MDGA2: variants seen among roughly 807,000 people sequenced by gnomAD.
The protein encoded by MDGA2 is MAM domain-containing glycosylphosphatidylinositol anchor protein 2.
Under a neutral mutation model 117.8 loss-of-function variants are expected in MDGA2, and 40 were observed. That is an observed-to-expected ratio of 0.34 (90% confidence interval 0.26 to 0.44). The LOEUF is 0.44. Ranked by LOEUF, MDGA2 falls within the 20% of genes least tolerant of loss-of-function variation. The probability of loss-of-function intolerance (pLI) is 1.00; values close to 1 mark genes in which losing one functional copy is unlikely to be tolerated. For synonymous variants in MDGA2, 452 were observed against 439.0 expected, an observed-to-expected ratio of 1.03 and a Z score of -0.37; for missense variants, 1,123 against 1,250.6, an observed-to-expected ratio of 0.90 and a Z score of 1.54.
intron 1 of MDGA2, among the ~76,000 whole-genome samples, chr14:47,462,049 A>G (rs1893497793): frequency 6.6e-6 from 1 of 152,202 alleles, no homozygotes; most frequent in Non-Finnish European, 1.5e-5. Context: ...TTTGCCATTA[A>G]AAGAAGCTTA....
intron 1 of MDGA2, among the ~76,000 whole-genome samples, chr14:47,355,192 C>T (rs1200247999): frequency 1.3e-5 from 2 of 152,050 alleles, no homozygotes; most frequent in Non-Finnish European, 2.9e-5. Flanking sequence ...AAGTAATGAT[C>T]GCATATCAGT....
At chr14:47,647,806 C>T (rs1324789633) in intron 1 of MDGA2, among the ~76,000 whole-genome samples, 1 of 152,074 alleles carries the variant, frequency 6.6e-6, no homozygotes, top group Non-Finnish European at 1.5e-5. Context: ...CAGCTATATA[C>T]ATTGTAGCAT....
chr14:47,344,698 A>T (rs1189851272), intron 1 of MDGA2, among the ~76,000 whole-genome samples: 1 of 152,050 alleles, frequency 6.6e-6, no homozygotes, highest in East Asian at 1.9e-4. Context: ...TTATTAACCT[A>T]TATAAAAATA....
At chr14:47,488,372 C>G (rs2138648095) in intron 1 of MDGA2, among the ~76,000 whole-genome samples, 1 of 152,162 alleles carries the variant, frequency 6.6e-6, no homozygotes, top group East Asian at 1.9e-4. Flanking sequence ...GTTCATGCAC[C>G]AGATTCAGGG....
rs117726148 is a variant in MDGA2 at position 47,360,829 on chromosome 14, A to G, written c.281-59279T>C. On this transcript the variant is annotated intron_variant, in intron 1 of 16. Coordinates refer to ENST00000399232, the MANE Select transcript of MDGA2 (RefSeq NM_001113498.3). Reference sequence around the variant, plus strand: ...CAGAAATGAAAACAACTTAAGTGTCAGGTGGATGAACCTGAAAGACATGAG... The same window carrying G: ...CAGAAATGAAAACAACTTAAGTGTCGGGTGGATGAACCTGAAAGACATGAG... 2.0e-5 allele frequency among the ~76,000 whole-genome samples: 3 copies of G among 152,120 alleles called. No individual in the cohort carries two copies. In the East Asian group the frequency reaches 5.8e-4, roughly 29 times the overall value.
At chr14:47,649,685 A>AAAAACAAAACAAAAC (rs56177749) in intron 1 of MDGA2, among the ~76,000 whole-genome samples, 81 of 150,388 alleles carry the variant, frequency 5.4e-4, no homozygotes, top group African/African-American at 1.8e-3. Context: ...GCTTCATCTC[A>AAAAACAAAACAAAAC]AAAACAAAAC....
chr14:47,440,130 C>T (rs1178265692), intron 1 of MDGA2, among the ~76,000 whole-genome samples: 1 of 152,036 alleles, frequency 6.6e-6, no homozygotes, highest in Non-Finnish European at 1.5e-5. Flanking sequence ...TTCCCCATCA[C>T]ATGTGTCGGC....
At position 46,905,540 on chromosome 14, in the gene MDGA2, G is replaced by A. The variant is rs188234598; in HGVS notation, c.2238+14472C>T. 1.1e-3 allele frequency among the ~76,000 whole-genome samples: 171 copies of A among 152,214 alleles called. 1 individual carries two copies. The highest frequency in any genetic ancestry group is 3.9e-3 in the African/African-American group (162 of 41,558). ...TGCACATATTGAAATGCATGCAAATGCAAACAGATTGAAAAAGACTATGTA... is the reference window on the plus strand; with the variant it reads ...TGCACATATTGAAATGCATGCAAATACAAACAGATTGAAAAAGACTATGTA... On this transcript the variant is annotated intron_variant, in intron 10 of 16. Transcript: ENST00000399232.
chr14:47,234,843 C>T (rs1038260383), intron 2 of MDGA2, among the ~76,000 whole-genome samples: 1 of 152,028 alleles, frequency 6.6e-6, no homozygotes, highest in Non-Finnish European at 1.5e-5. Context: ...TTTATCCTTC[C>T]CTAATATTCT....
intron 2 of MDGA2, among the ~76,000 whole-genome samples, chr14:47,225,308 TG>T (rs1467660864): frequency 2.0e-5 from 3 of 151,874 alleles, no homozygotes; most frequent in Admixed American, 6.6e-5. Context: ...ATCCCACTAC[TG>T]GGTATATACC....
Position 47,509,750 on chromosome 14 carries a change from C to T in MDGA2, c.280+164767G>A, listed in dbSNP as rs1480006237. On this transcript the variant is annotated intron_variant, in intron 1 of 16. Coordinates refer to ENST00000399232, the MANE Select transcript of MDGA2 (RefSeq NM_001113498.3). Reference sequence around the variant, plus strand: ...CCATTACGTCTTCTTTTCTCTATCCCCCTTTTGGACAGGAAATGTCTATCT... The same window carrying T: ...CCATTACGTCTTCTTTTCTCTATCCTCCTTTTGGACAGGAAATGTCTATCT... Among the ~76,000 whole-genome samples, 5 of 152,154 alleles carry T rather than the reference C, an allele frequency of 3.3e-5. No homozygotes were observed. In the East Asian group the frequency reaches 5.8e-4, roughly 18 times the overall value.
chr14:47,645,862 G>A (rs1897521388), intron 1 of MDGA2, among the ~76,000 whole-genome samples: 2 of 151,844 alleles, frequency 1.3e-5, no homozygotes, highest in South Asian at 2.1e-4. Flanking sequence ...CACGAGGTCA[G>A]AAGATCGAGA....
At chr14:47,552,433 C>T (rs552865954) in intron 1 of MDGA2, among the ~76,000 whole-genome samples, 1 of 152,336 alleles carries the variant, frequency 6.6e-6, no homozygotes, top group South Asian at 2.1e-4. Context: ...GCAACTATGT[C>T]CTTTCCATTG....
intron 7 of MDGA2, among the ~76,000 whole-genome samples, chr14:47,041,610 T>C (rs1389628009): frequency 6.7e-6 from 1 of 149,764 alleles, no homozygotes; most frequent in African/African-American, 2.4e-5. Flanking sequence ...AAACATGATA[T>C]GACACCAAAG....
chr14:47,058,928 T>C (rs377583317), intron 7 of MDGA2: 1 of 972,360 alleles, frequency 1.0e-6, no homozygotes, highest in Non-Finnish European at 1.2e-6. Flanking sequence ...AGTGAGTTTA[T>C]TAATTTTTGA....
At chr14:47,532,294 C>T (rs1399889414) in intron 1 of MDGA2, among the ~76,000 whole-genome samples, 1 of 152,170 alleles carries the variant, frequency 6.6e-6, no homozygotes, top group Non-Finnish European at 1.5e-5. Flanking sequence ...ATAAATGTTT[C>T]TCTTTCTTTG....
chr14:47,031,841 G>A (rs1003485121), intron 8 of MDGA2, among the ~76,000 whole-genome samples: 1 of 152,140 alleles, frequency 6.6e-6, no homozygotes, highest in Non-Finnish European at 1.5e-5. Flanking sequence ...TGATGTGCAA[G>A]CTCCCACTTC....
At chr14:46,925,475 T>C (rs2138527290) in intron 9 of MDGA2, among the ~76,000 whole-genome samples, 1 of 151,588 alleles carries the variant, frequency 6.6e-6, no homozygotes, top group Admixed American at 6.6e-5. Context: ...CTACTAAAAA[T>C]ACAAAAATCA....
chr14:47,004,400 G>T (rs1276861349), intron 8 of MDGA2, among the ~76,000 whole-genome samples: 1 of 151,508 alleles, frequency 6.6e-6, no homozygotes, highest in Non-Finnish European at 1.5e-5. Flanking sequence ...ATATATATGG[G>T]TTTATTTATG....
Sources: allele counts gnomAD v4.1 joint callset (sites outside exome capture counted in the v4.1 genomes callset), GRCh38; gene constraint gnomAD v4.1.1; transcripts MANE v1.5; gene names NCBI Gene and HGNC (gene_info 2026-07-23, HGNC 2026-07-21).